The following SMYD3 variants were observed in gnomAD, a reference collection of about 807,000 sequenced individuals.
SMYD3 encodes the protein histone-lysine N-methyltransferase SMYD3.
SMYD3 carries 36 observed loss-of-function variants against 57.7 expected under a neutral mutation model. The observed-to-expected ratio is 0.62, with a 90% CI of 0.48 to 0.82. SMYD3 has a LOEUF of 0.82. SMYD3 is among the 40% of genes least tolerant of loss of function. SMYD3 has a pLI of 0.00. For synonymous variants in SMYD3, 211 were observed against 195.0 expected, an observed-to-expected ratio of 1.08 and a Z score of -0.68; for missense variants, 515 against 538.8, an observed-to-expected ratio of 0.96 and a Z score of 0.44.
At position 245,977,053 on chromosome 1, in the gene SMYD3, C is replaced by CAGGGAAAGCCATCGTCTCCAGCCT. The variant is rs1558551499; in HGVS notation, c.532-47117_532-47116insAGGCTGGAGACGATGGCTTTCCCT. 8.0e-5 allele frequency among the ~76,000 whole-genome samples: 3 copies of CAGGGAAAGCCATCGTCTCCAGCCT among 37,324 alleles called. 1 individual carries two copies. The highest frequency in any genetic ancestry group is 3.2e-4 in the African/African-American group (3 of 9,268). The allele number at this position is 37,324 out of a possible 152,430, so 24.5% of individuals were successfully genotyped here. On this transcript the variant is annotated intron_variant, in intron 5 of 11. Transcript: ENST00000490107. ...CCAGGGAAAGCCATCGTCTCCGGCC[C>CAGGGAAAGCCATCGTCTCCAGCCT]AGGGAAAGCCATCGTCTCTAGCCTA...
chr1:245,799,822 C>T (rs889127710), intron 10 of SMYD3, among the ~76,000 whole-genome samples: 6 of 152,050 alleles, frequency 3.9e-5, no homozygotes, highest in African/African-American at 7.2e-5. Context: ...CATGCTGCAG[C>T]GCTGGAATTC....
At chr1:246,019,761 A>T (rs2059437728) in intron 5 of SMYD3, among the ~76,000 whole-genome samples, 2 of 152,182 alleles carry the variant, frequency 1.3e-5, no homozygotes, top group Non-Finnish European at 2.9e-5. Flanking sequence ...CCAAGGTACT[A>T]AATGTAAATA....
At chr1:246,500,702 G>A (rs556504257) in intron 1 of SMYD3, among the ~76,000 whole-genome samples, 17 of 114,024 alleles carry the variant, frequency 1.5e-4, no homozygotes, top group African/African-American at 3.8e-4. Context: ...CTCTATCCCC[G>A]TCCCCATGGT....
intron 5 of SMYD3, among the ~76,000 whole-genome samples, chr1:246,112,013 C>T (rs1219339490): frequency 6.6e-6 from 1 of 151,962 alleles, no homozygotes; most frequent in African/African-American, 2.4e-5. Context: ...AGATGCATAC[C>T]CCCTACAAAC....
intron 1 of SMYD3, among the ~76,000 whole-genome samples, chr1:246,491,890 C>T (rs1001169039): frequency 2.0e-5 from 3 of 152,188 alleles, no homozygotes; most frequent in Admixed American, 6.5e-5. Context: ...TGGATCAAAA[C>T]GAAAACAAGA....
intron 5 of SMYD3, among the ~76,000 whole-genome samples, chr1:246,309,600 T>C (rs935337953): frequency 2.0e-5 from 3 of 152,162 alleles, no homozygotes; most frequent in Admixed American, 6.5e-5. Context: ...GGCTTTGAAA[T>C]TACATTCAGA....
chr1:246,083,544 A>G (rs544122625), intron 5 of SMYD3, among the ~76,000 whole-genome samples: 356 of 44,720 alleles, frequency 8.0e-3, no homozygotes, highest in Non-Finnish European at 0.014. Context: ...TTCCTTCTCT[A>G]TACTTTGTCT....
intron 9 of SMYD3, 87 bp from the exon 10 acceptor site, chr1:245,858,757 C>A: frequency 7.1e-7 from 1 of 1,418,394 alleles, no homozygotes; most frequent in Non-Finnish European, 9.6e-7. Flanking sequence ...AAAGAGCTCC[C>A]AAGCACAGGA....
In SMYD3 at chr1:246,289,766, C is replaced by A. The variant is rs945138268; in HGVS notation, c.531+37435G>T. On this transcript the variant is annotated intron_variant, in intron 5 of 11. Transcript: ENST00000490107. ...AGATTTTACCTGCATCTAACAGTAACCATGAACTCACCAATGGAGGTCCAC... is the reference window on the plus strand; with the variant it reads ...AGATTTTACCTGCATCTAACAGTAAACATGAACTCACCAATGGAGGTCCAC... 3.0e-4 allele frequency among the ~76,000 whole-genome samples: 45 copies of A among 152,126 alleles called. 1 individual carries two copies. The highest frequency in any genetic ancestry group is 5.6e-4 in the Non-Finnish European group (38 of 68,012).
At chr1:245,973,452 G>A (rs951641176) in intron 5 of SMYD3, among the ~76,000 whole-genome samples, 3 of 152,084 alleles carry the variant, frequency 2.0e-5, no homozygotes, top group African/African-American at 7.2e-5. Context: ...GCTAAATGGA[G>A]GTACAGATAA....
At chr1:246,127,656 G>A (rs982447955) in intron 5 of SMYD3, among the ~76,000 whole-genome samples, 4 of 152,088 alleles carry the variant, frequency 2.6e-5, no homozygotes, top group African/African-American at 4.8e-5. Context: ...AGCACTTTGC[G>A]GGGCTGAGGC....
chr1:246,453,414 CAT>C (rs1249996162), intron 1 of SMYD3, among the ~76,000 whole-genome samples: 1 of 152,130 alleles, frequency 6.6e-6, no homozygotes, highest in Non-Finnish European at 1.5e-5. Flanking sequence ...TACAAAATCA[CAT>C]AAAACTACGA....
chr1:245,808,029 GA>G (rs146217578), intron 10 of SMYD3, among the ~76,000 whole-genome samples: 1 of 152,054 alleles, frequency 6.6e-6, no homozygotes, highest in Admixed American at 6.5e-5. Flanking sequence ...AATGAGGACA[GA>G]AAAAAATGTA....
intron 5 of SMYD3, among the ~76,000 whole-genome samples, chr1:246,076,701 A>G (rs1244998362): frequency 6.6e-6 from 1 of 151,246 alleles, no homozygotes; most frequent in Non-Finnish European, 1.5e-5. Flanking sequence ...GATTAATTCA[A>G]TTCTCTTCCC....
At chr1:245,854,745 C>T (rs1352282281) in intron 10 of SMYD3, among the ~76,000 whole-genome samples, 3 of 151,894 alleles carry the variant, frequency 2.0e-5, no homozygotes, top group Admixed American at 6.6e-5. Context: ...GCAAGACAAG[C>T]AGGAAAAACG....
intron 11 of SMYD3, among the ~76,000 whole-genome samples, chr1:245,759,873 A>G (rs1011076017): frequency 2.0e-5 from 3 of 152,202 alleles, no homozygotes; most frequent in Admixed American, 6.5e-5. Flanking sequence ...GGGAGCCTGC[A>G]GCATGCAGGG....
intron 5 of SMYD3, among the ~76,000 whole-genome samples, chr1:246,217,004 A>G (rs2063175180): frequency 6.6e-6 from 1 of 152,138 alleles, no homozygotes; most frequent in South Asian, 2.1e-4. Context: ...GTAAATTACA[A>G]AAAATCTATT....
At chr1:246,003,342 G>A (rs549130492) in intron 5 of SMYD3, among the ~76,000 whole-genome samples, 2 of 152,296 alleles carry the variant, frequency 1.3e-5, no homozygotes, top group East Asian at 1.9e-4. Context: ...CTGGTGGAGC[G>A]GTGGGACTTA....
intron 8 of SMYD3, among the ~76,000 whole-genome samples, chr1:245,904,169 G>A (rs1303631348): frequency 6.6e-6 from 1 of 152,148 alleles, no homozygotes; most frequent in Non-Finnish European, 1.5e-5. Context: ...CTGGTGGGAG[G>A]TGATTGGATC....
Sources: gnomAD v4.1 joint callset for allele counts (sites outside exome capture counted in the v4.1 genomes callset) on GRCh38, gnomAD v4.1.1 for gene constraint, MANE v1.5 for transcripts, NCBI Gene and HGNC (gene_info 2026-07-23, HGNC 2026-07-21) for gene names.